The following AMMECR1 variants were observed in gnomAD, a reference collection of about 807,000 sequenced individuals.
AMMECR1 encodes AMMECR nuclear protein 1.
AMMECR1 carries 3 observed loss-of-function variants against 22.5 expected under a neutral mutation model. The observed-to-expected ratio is 0.13, with a 90% CI of 0.06 to 0.35. AMMECR1 has a LOEUF of 0.35. Ranked by LOEUF, AMMECR1 falls within the 10% of genes least tolerant of loss-of-function variation. AMMECR1 has a pLI of 1.00. For synonymous variants in AMMECR1, 130 were observed against 116.7 expected (o/e 1.11, Z -0.74); for missense variants, 235 against 278.7 (o/e 0.84, Z 1.12).
intron 1 of AMMECR1, among the ~76,000 whole-genome samples, chrX:110,292,424 AACTTT>A (rs1477073400): frequency 4.4e-5 from 5 of 112,406 alleles, no homozygotes; most frequent in African/African-American, 1.3e-4. Flanking sequence ...TGTTTATAAC[AACTTT>A]ACTTGTGATT....
chrX:110,308,766 GT>G (rs995933277), intron 1 of AMMECR1, among the ~76,000 whole-genome samples: 14 of 107,282 alleles, frequency 1.3e-4, no homozygotes, highest in African/African-American at 4.1e-4. Flanking sequence ...GCTGTGGCAA[GT>G]TTTTTTTTTA....
At chrX:110,218,683 A>G (rs903841981) in intron 2 of AMMECR1, among the ~76,000 whole-genome samples, 4 of 111,381 alleles carry the variant, frequency 3.6e-5, no homozygotes, top group Non-Finnish European at 7.6e-5. Context: ...ACCCTTTTAA[A>G]GTATATAATT....
intron 2 of AMMECR1, among the ~76,000 whole-genome samples, chrX:110,408,584 T>A (rs2068619187): frequency 8.9e-6 from 1 of 112,542 alleles, no homozygotes; most frequent in African/African-American, 3.2e-5. Context: ...CCCACAGTTT[T>A]AATCAACTAT....
intron 2 of AMMECR1, among the ~76,000 whole-genome samples, chrX:110,239,133 C>A (rs1013900975): frequency 9.0e-6 from 1 of 111,353 alleles, no homozygotes; most frequent in African/African-American, 3.3e-5. Context: ...AAAACCAGAA[C>A]GCCTCTTCTC....
chrX:110,387,074 G>A (rs903492660), intron 2 of AMMECR1, among the ~76,000 whole-genome samples: 1 of 111,973 alleles, frequency 8.9e-6, no homozygotes, highest in Non-Finnish European at 1.9e-5. Flanking sequence ...AAGGAGAAGG[G>A]ATCTAAGCAG....
chrX:110,421,480 T>A (rs1313560405), intron 2 of AMMECR1, among the ~76,000 whole-genome samples: 1 of 112,725 alleles, frequency 8.9e-6, no homozygotes, highest in Non-Finnish European at 1.9e-5. Context: ...TGTGTGCTAG[T>A]TTCAGTAGGA....
intron 1 of AMMECR1, among the ~76,000 whole-genome samples, chrX:110,297,627 C>T (rs1223011689): frequency 9.0e-6 from 1 of 111,526 alleles, no homozygotes; most frequent in Non-Finnish European, 1.9e-5. Flanking sequence ...AAACACTCCT[C>T]AGGTTGTTGG....
At chrX:110,303,688 G>A (rs901229997) in intron 1 of AMMECR1, among the ~76,000 whole-genome samples, 1 of 111,805 alleles carries the variant, frequency 8.9e-6, no homozygotes, top group Non-Finnish European at 1.9e-5. Flanking sequence ...CACTCTAATA[G>A]TATATAATTC....
At chrX:110,321,886 C>T (rs754347171), upstream of AMMECR1, among the ~76,000 whole-genome samples, 1 of 112,502 alleles carries the variant, frequency 8.9e-6, no homozygotes, top group African/African-American at 3.2e-5. Context: ...ACGTATAACA[C>T]ATGGTTGTTG....
At chrX:110,310,632 G>A (rs1489852761) in intron 1 of AMMECR1, among the ~76,000 whole-genome samples, 1 of 111,960 alleles carries the variant, frequency 8.9e-6, no homozygotes, top group African/African-American at 3.2e-5. Flanking sequence ...CACAAGAATA[G>A]CTAGGCACAG....
intron 1 of AMMECR1, among the ~76,000 whole-genome samples, chrX:110,294,582 T>C (rs2067925481): frequency 8.9e-6 from 1 of 111,805 alleles, no homozygotes; most frequent in African/African-American, 3.3e-5. Flanking sequence ...CGTTAAAACC[T>C]GTTGAGAGCT....
chrX:110,213,709 G>GTTAT (rs1440004349), intron 3 of AMMECR1, among the ~76,000 whole-genome samples: 1 of 111,473 alleles, frequency 9.0e-6, no homozygotes, highest in Non-Finnish European at 1.9e-5. Flanking sequence ...GAATCATTAA[G>GTTAT]GATAACCCTT....
At position 110,350,168 on chromosome X, in the gene AMMECR1, C is replaced by T. The variant is rs142475705; in HGVS notation, c.-147-32319G>A. On this transcript the variant is annotated intron_variant, in intron 2 of 7. Coordinates refer to the AMMECR1 transcript ENST00000372057. ...TAAGGTATAGGTCTGTCTCTTAAGG[C>T]ATTCTCGCCCTGTTTTGAGAATATG... Among the ~76,000 whole-genome samples the T allele has an allele frequency of 3.4e-3, 379 of 112,078 alleles. 2 individuals carry two copies. Among genetic ancestry groups the T allele is most frequent in the African/African-American group, 0.012 (362 of 30,843 alleles).
intron 2 of AMMECR1, among the ~76,000 whole-genome samples, chrX:110,363,785 T>C (rs2068279581): frequency 9.0e-6 from 1 of 111,362 alleles, no homozygotes; most frequent in African/African-American, 3.3e-5. Flanking sequence ...TCACCAGTAA[T>C]AACAGTCACC....
intron 2 of AMMECR1, among the ~76,000 whole-genome samples, chrX:110,333,986 A>C (rs927414561): frequency 9.0e-6 from 1 of 111,716 alleles, no homozygotes; most frequent in Non-Finnish European, 1.9e-5. Context: ...AAAATAAAAT[A>C]AAATCAGATG....
At chrX:110,207,196 G>C (rs898295362) in intron 3 of AMMECR1, among the ~76,000 whole-genome samples, 3 of 111,180 alleles carry the variant, frequency 2.7e-5, no homozygotes, top group Non-Finnish European at 5.7e-5. Flanking sequence ...GACAGTCCAT[G>C]GGTCTGACCC....
intron 1 of AMMECR1, among the ~76,000 whole-genome samples, chrX:110,310,962 TA>T (rs1472969947): frequency 3.6e-5 from 4 of 112,055 alleles, no homozygotes; most frequent in Non-Finnish European, 7.5e-5. Flanking sequence ...CAAGAAACTA[TA>T]AGCAGATACA....
chrX:110,303,735 A>C (rs891555414), intron 1 of AMMECR1, among the ~76,000 whole-genome samples: 1 of 112,469 alleles, frequency 8.9e-6, no homozygotes, highest in African/African-American at 3.2e-5. Context: ...GGGAGAGTTC[A>C]TTTACTTATA....
At chrX:110,345,645 G>A (rs1366045888) in intron 2 of AMMECR1, among the ~76,000 whole-genome samples, 4 of 110,277 alleles carry the variant, frequency 3.6e-5, no homozygotes, top group South Asian at 3.9e-4. Flanking sequence ...CCTGGGTGAC[G>A]GGATCATCCA....
Sources: allele counts gnomAD v4.1 joint callset (sites outside exome capture counted in the v4.1 genomes callset), GRCh38; gene constraint gnomAD v4.1.1; transcripts MANE v1.5; gene names NCBI Gene and HGNC (gene_info 2026-07-23, HGNC 2026-07-21).